The following PAQR5 variants were observed in gnomAD, a reference collection of about 807,000 sequenced individuals.
PAQR5 encodes the protein progestin and adipoQ receptor family member 5, also known as membrane progestin receptor gamma.
Under a neutral mutation model 34.5 loss-of-function variants are expected in PAQR5, and 20 were observed. That is an observed-to-expected ratio of 0.58 (90% CI 0.41 to 0.84). The LOEUF (loss-of-function observed/expected upper bound fraction) is 0.84. Ranked by LOEUF, PAQR5 falls within the 40% of genes least tolerant of loss-of-function variation. The pLI is 0.00. For synonymous variants in PAQR5, 131 were observed against 155.6 expected, an observed-to-expected ratio of 0.84 and a Z score of 1.18; for missense variants, 378 against 412.7, an observed-to-expected ratio of 0.92 and a Z score of 0.73.
chr15:69,311,560 C>T (rs2053834884), intron 1 of PAQR5, among the ~76,000 whole-genome samples: 1 of 152,192 alleles, frequency 6.6e-6, no homozygotes, highest in Non-Finnish European at 1.5e-5. Flanking sequence ...GGGATGCACC[C>T]TGCCAATCTT....
rs1176025635 is a variant in PAQR5 at position 69,363,545 on chromosome 15, TTTTG to T, written c.51+3418_51+3421del. The stretch of plus-strand genomic sequence containing the variant: ...GTCAAATTGCTAATCTGTTTTTTGT[TTTTG>T]TTTTTTTTTTTTTTTGAGACAGAGT... On this transcript the variant is annotated intron_variant, in intron 3 of 8. Coordinates refer to ENST00000395407, the MANE Select transcript of PAQR5 (RefSeq NM_017705.4). Among the ~76,000 whole-genome samples the T allele has an allele frequency of 1.4e-4, 16 of 118,322 alleles. 5 individuals carry two copies. Among genetic ancestry groups the T allele is most frequent in the East Asian group, 2.5e-4 (1 of 3,934 alleles). The allele number at this position is 118,322 out of a possible 152,430, so 77.6% of individuals were successfully genotyped here.
intron 1 of PAQR5, among the ~76,000 whole-genome samples, chr15:69,300,839 CGT>C (rs539218379): frequency 3.9e-5 from 1 of 25,716 alleles, no homozygotes; most frequent in African/African-American, 1.2e-4. Context: ...TCCTTTAGTT[CGT>C]TTTCTTTCTT....
chr15:69,351,291 T>G (rs996918169), intron 2 of PAQR5, among the ~76,000 whole-genome samples: 1 of 152,282 alleles, frequency 6.6e-6, no homozygotes, highest in Non-Finnish European at 1.5e-5. Context: ...CACATCCCCA[T>G]TCGGCTTATG....
At chr15:69,373,247 A>C (rs1462486270) in intron 3 of PAQR5, among the ~76,000 whole-genome samples, 9 of 147,270 alleles carry the variant, frequency 6.1e-5, no homozygotes, top group South Asian at 2.2e-4. Context: ...CTTTAATTTC[A>C]CCTGGGACGT....
chr15:69,325,190 C>T (rs1029402362), intron 1 of PAQR5, among the ~76,000 whole-genome samples: 12 of 152,194 alleles, frequency 7.9e-5, no homozygotes, highest in African/African-American at 2.7e-4. Flanking sequence ...TGAGCCACCG[C>T]GCCTGGCCCC....
chr15:69,348,537 G>A (rs2054831000), intron 2 of PAQR5, among the ~76,000 whole-genome samples: 1 of 152,188 alleles, frequency 6.6e-6, no homozygotes, highest in African/African-American at 2.4e-5. Flanking sequence ...GTTCAGAGTA[G>A]GGGAGAGATT....
intron 1 of PAQR5, among the ~76,000 whole-genome samples, chr15:69,336,156 G>T (rs1362431967): frequency 6.6e-6 from 1 of 152,082 alleles, no homozygotes; most frequent in Non-Finnish European, 1.5e-5. Context: ...AAAATTTTTT[G>T]GAGTTATCAT....
At chr15:69,321,775 C>T (rs905079104) in intron 1 of PAQR5, among the ~76,000 whole-genome samples, 3 of 152,138 alleles carry the variant, frequency 2.0e-5, no homozygotes, top group Non-Finnish European at 4.4e-5. Context: ...GTGCAGTGGA[C>T]AGCAGAAGTC....
chr15:69,369,657 C>T (rs2055499649), intron 3 of PAQR5, among the ~76,000 whole-genome samples: 1 of 151,396 alleles, frequency 6.6e-6, no homozygotes, highest in South Asian at 2.1e-4. Context: ...AATTTTTTCA[C>T]TTGAGATTTC....
At chr15:69,350,129 C>T (rs1481742544) in intron 2 of PAQR5, among the ~76,000 whole-genome samples, 1 of 152,218 alleles carries the variant, frequency 6.6e-6, no homozygotes, top group Admixed American at 6.5e-5. Flanking sequence ...TAACTGGATC[C>T]CAGGGTAGCA....
intron 3 of PAQR5, among the ~76,000 whole-genome samples, chr15:69,362,733 T>C (rs1280655410): frequency 6.6e-6 from 1 of 152,164 alleles, no homozygotes; most frequent in Non-Finnish European, 1.5e-5. Context: ...GTTGTCATTA[T>C]TAGCATTCTC....
At chr15:69,323,985 G>A (rs572788287) in intron 1 of PAQR5, among the ~76,000 whole-genome samples, 3 of 152,222 alleles carry the variant, frequency 2.0e-5, no homozygotes, top group East Asian at 1.9e-4. Context: ...GGATGTGGCC[G>A]TAAGTTACCC....
At chr15:69,300,034 T>C (rs1039849412) in intron 1 of PAQR5, among the ~76,000 whole-genome samples, 9 of 152,326 alleles carry the variant, frequency 5.9e-5, no homozygotes, top group Admixed American at 4.6e-4. Flanking sequence ...GGTGGGCTTT[T>C]CTCCACCACT....
At chr15:69,383,764 C>T (rs555165118) in intron 4 of PAQR5, among the ~76,000 whole-genome samples, 1 of 77,340 alleles carries the variant, frequency 1.3e-5, no homozygotes, top group Non-Finnish European at 2.4e-5. Context: ...GGCCTCTGTG[C>T]TCATGGTGGA....
In PAQR5 at chr15:69,384,776, G is replaced by A; in HGVS notation, c.279G>A (p.Val93=). The A allele has an allele frequency of 6.2e-7, 1 of 1,613,836 alleles. No homozygotes were observed. The highest frequency in any genetic ancestry group is 1.1e-5 in the South Asian group (1 of 91,078). The change falls in exon 5 of 9, where the codon GTG becomes GTA. Residue 93 remains valine (V), a synonymous_variant. Transcript: ENST00000395407. ...TTGTGTACATGTGCACCAGCTGCGT[G>A]TACCCACTTGTGTCCAGCTGTGCGC... ...PMLVYMCTSC[V]YPLVSSCAHT...
At chr15:69,371,365 G>C (rs934814398) in intron 3 of PAQR5, among the ~76,000 whole-genome samples, 3 of 152,018 alleles carry the variant, frequency 2.0e-5, no homozygotes, top group Non-Finnish European at 4.4e-5. Context: ...TAATGAGGCT[G>C]CAGCATATGA....
intron 1 of PAQR5, among the ~76,000 whole-genome samples, chr15:69,331,478 A>G (rs2054378308): frequency 6.6e-6 from 1 of 152,242 alleles, no homozygotes; most frequent in African/African-American, 2.4e-5. Context: ...CCTTCTGTCT[A>G]TCTCGTCTTT....
At position 69,405,112 on chromosome 15, in the gene PAQR5, T is replaced by C. The variant is rs1238033936; in HGVS notation, c.*1290T>C. On this transcript the variant is annotated 3_prime_UTR_variant, in exon 9 of 9. Transcript: ENST00000395407. ...TCTAAAACACTGAGCATTTTCTCAT[T>C]TGTTGCATTACTGATTAAAGTTCAG... 1 of 397,902 alleles carries C rather than the reference T, an allele frequency of 2.5e-6. No homozygotes were observed. The highest frequency in any genetic ancestry group is 4.4e-6 in the Non-Finnish European group (1 of 225,730). The allele number at this position is 397,902 out of a possible 1,614,324, so 24.6% of individuals were successfully genotyped here. A position where few individuals can be genotyped will look rare whatever the true frequency, so the allele number is the denominator to read the frequency against.
At chr15:69,373,852 C>T (rs2055630977) in intron 3 of PAQR5, among the ~76,000 whole-genome samples, 1 of 152,140 alleles carries the variant, frequency 6.6e-6, no homozygotes, top group East Asian at 1.9e-4. Flanking sequence ...GATCTGCCCA[C>T]CTCAGTCTCC....
Sources: allele counts gnomAD v4.1 joint callset (sites outside exome capture counted in the v4.1 genomes callset), GRCh38; gene constraint gnomAD v4.1.1; transcripts MANE v1.5; gene names NCBI Gene and HGNC (gene_info 2026-07-23, HGNC 2026-07-21).